Variants in CDKL3 observed in about 807,000 individuals in gnomAD.
The protein encoded by CDKL3 is cyclin-dependent kinase-like 3.
In CDKL3, 65 loss-of-function variants were observed where a neutral mutation model predicts 69.3. The ratio of observed to expected loss-of-function variants is 0.94; its 90% CI spans 0.77 to 1.15. CDKL3 has a LOEUF of 1.15. CDKL3 is among the 50% of genes most tolerant of loss of function. The pLI is 0.00. For missense variants in CDKL3, 652 were observed against 689.2 expected, an observed-to-expected ratio of 0.95 and a Z score of 0.61; for synonymous variants, 202 against 221.6, an observed-to-expected ratio of 0.91 and a Z score of 0.79.
chr5:134,285,611 G>A (rs1034098286), downstream of CDKL3, among the ~76,000 whole-genome samples: 3 of 152,200 alleles, frequency 2.0e-5, no homozygotes, highest in African/African-American at 7.2e-5. Flanking sequence ...ACATGTCCTG[G>A]AGACATTTTC....
intron 3 of CDKL3, among the ~76,000 whole-genome samples, chr5:134,359,372 A>G (rs1354858001): frequency 6.6e-6 from 1 of 152,196 alleles, no homozygotes; most frequent in African/African-American, 2.4e-5. Context: ...AGTCAACACT[A>G]AACATCAGAA....
chr5:134,350,791 G>A (rs1753054532), intron 3 of CDKL3, among the ~76,000 whole-genome samples: 1 of 145,766 alleles, frequency 6.9e-6, no homozygotes, highest in South Asian at 2.2e-4. Flanking sequence ...ACCAGCCTGG[G>A]TAACAGAGTG....
chr5:134,360,115 A>G, intron 2 of CDKL3, 24 bp from the exon 3 acceptor site: 3 of 1,452,788 alleles, frequency 2.1e-6, no homozygotes, highest in Non-Finnish European at 2.8e-6. Context: ...AAACAACACA[A>G]ATTTTTAATT....
chr5:134,360,185 T>C, intron 2 of CDKL3, 94 bp from the exon 3 acceptor site: 1 of 864,112 alleles, frequency 1.2e-6, no homozygotes. Context: ...ACAGTCATAT[T>C]CTTAGCTTTG....
intron 3 of CDKL3, among the ~76,000 whole-genome samples, chr5:134,351,947 A>G (rs1278779056): frequency 2.0e-5 from 3 of 152,142 alleles, no homozygotes; most frequent in African/African-American, 7.2e-5. Flanking sequence ...GAATACAATC[A>G]TTGTTATTAA....
At chr5:134,328,880 A>G (rs1261746085) in intron 4 of CDKL3, among the ~76,000 whole-genome samples, 1 of 152,228 alleles carries the variant, frequency 6.6e-6, no homozygotes, top group Non-Finnish European at 1.5e-5. Context: ...ACCTCTCAAC[A>G]AAAACGCCTA....
chr5:134,306,603 C>T lies in CDKL3; in HGVS notation c.1458+6G>A. 3.2e-6 allele frequency: 5 copies of T among 1,546,488 alleles called. No homozygotes were observed. The highest frequency in any genetic ancestry group is 4.4e-6 in the Non-Finnish European group (5 of 1,124,390). ...CCATATTTTAATGTGTAGCTTCTTGCCTTACTTGAATAGGACCTGGATCCT... is the reference window on the plus strand; with the variant it reads ...CCATATTTTAATGTGTAGCTTCTTGTCTTACTTGAATAGGACCTGGATCCT... On this transcript the variant is annotated splice_donor_region_variant and intron_variant, in intron 10 of 12. Coordinates refer to ENST00000265334, the MANE Select transcript of CDKL3 (RefSeq NM_001113575.2).
At chr5:134,329,248 G>A (rs1775143682) in intron 4 of CDKL3, among the ~76,000 whole-genome samples, 1 of 152,096 alleles carries the variant, frequency 6.6e-6, no homozygotes, top group South Asian at 2.1e-4. Context: ...TGAAGCAGGA[G>A]GATTGATTGA....
chr5:134,333,114 G>T (rs1162346356), intron 4 of CDKL3, among the ~76,000 whole-genome samples: 1 of 151,974 alleles, frequency 6.6e-6, no homozygotes, highest in East Asian at 1.9e-4. Context: ...TTGGTGTATA[G>T]AAATGCTTGT....
At position 134,320,828 on chromosome 5, in the gene CDKL3, C is replaced by T. The variant is rs1473670094; in HGVS notation, c.652+963G>A. On this transcript the variant is annotated intron_variant, in intron 5 of 12. Transcript: ENST00000265334. ...GGCAGAGCTTGCAGTGAGCTGAGAT[C>T]GCGCCCCTGCACTCCAGCCTGGGTG... Among the ~76,000 whole-genome samples the T allele has an allele frequency of 4.0e-5, 6 of 149,696 alleles. No homozygotes were observed. In the Middle Eastern group the frequency reaches 0.01, roughly 255 times the overall value.
intron 4 of CDKL3, among the ~76,000 whole-genome samples, chr5:134,327,418 A>C (rs1774672566): frequency 6.6e-6 from 1 of 152,214 alleles, no homozygotes; most frequent in Non-Finnish European, 1.5e-5. Context: ...AACTGGGCTC[A>C]GAGATTTTGC....
At chr5:134,298,259 C>G (rs1037212811), downstream of CDKL3, 12 of 985,234 alleles carry the variant, frequency 1.2e-5, no homozygotes, top group Non-Finnish European at 1.3e-5. Flanking sequence ...AACAACGGCT[C>G]AAATATTTTA....
In CDKL3 at chr5:134,342,597, C is replaced by T. The variant is rs548917848; in HGVS notation, c.539+7652G>A. ...CCTGGGCGACAGAGCAAGACTCTGT[C>T]TCAAAAAAAAAAAAGAAAAAGAAAA... On this transcript the variant is annotated intron_variant, in intron 4 of 12. Coordinates refer to ENST00000265334, the MANE Select transcript of CDKL3 (RefSeq NM_001113575.2). Among the ~76,000 whole-genome samples the T allele has an allele frequency of 2.3e-3, 344 of 146,818 alleles. 1 individual carries two copies. Among genetic ancestry groups the T allele is most frequent in the Non-Finnish European group, 4.0e-3 (267 of 67,044 alleles).
At chr5:134,371,454 G>C, upstream of CDKL3, 4 of 1,080,106 alleles carry the variant, frequency 3.7e-6, no homozygotes, top group South Asian at 2.9e-5. Context: ...AGACGTCATT[G>C]CAGGGTTGTT....
In CDKL3 at chr5:134,308,205, T is replaced by TG; in HGVS notation, c.1296dup (p.Ile433HisfsTer5). On this transcript the variant is annotated frameshift_variant, in exon 9 of 13. Coordinates refer to ENST00000265334, the MANE Select transcript of CDKL3 (RefSeq NM_001113575.2). LOFTEE classifies it high-confidence loss of function. Reference sequence around the variant, plus strand: ...ATCAAATTACTGTTAGTTAGATTGATGGGTGGCATTGTCACAGAACCTCCG... The same window carrying TG: ...ATCAAATTACTGTTAGTTAGATTGATGGGGTGGCATTGTCACAGAACCTCCG... 6.2e-7 allele frequency: 1 copy of TG among 1,613,954 alleles called. No individual in the cohort carries two copies. The highest frequency in any genetic ancestry group is 8.5e-7 in the Non-Finnish European group (1 of 1,179,850).
At chr5:134,301,555 G>A (rs1766336712) in intron 12 of CDKL3, among the ~76,000 whole-genome samples, 1 of 151,502 alleles carries the variant, frequency 6.6e-6, no homozygotes, top group South Asian at 2.1e-4. Flanking sequence ...ATTTTATCAT[G>A]AGTAAAACTG....
intron 2 of CDKL3, among the ~76,000 whole-genome samples, chr5:134,364,180 A>T (rs567416512): frequency 4.7e-4 from 71 of 152,266 alleles, no homozygotes; most frequent in Middle Eastern, 3.4e-3. Context: ...AAATATTTTT[A>T]AAATCATTAA....
intron 4 of CDKL3, among the ~76,000 whole-genome samples, chr5:134,342,618 GA>G (rs948128002): frequency 1.3e-5 from 2 of 151,002 alleles, no homozygotes; most frequent in African/African-American, 4.9e-5. Context: ...AAAAGAAAAA[GA>G]AAAAGAAAAA....
At chr5:134,287,953 G>T (rs1210496785) in intron 8 of CDKL3, among the ~76,000 whole-genome samples, 5 of 147,094 alleles carry the variant, frequency 3.4e-5, no homozygotes, top group African/African-American at 1.3e-4. Context: ...AGAGTGCAAT[G>T]GTGCAATCTC....
Sources: gnomAD v4.1 joint callset for allele counts (sites outside exome capture counted in the v4.1 genomes callset) on GRCh38, gnomAD v4.1.1 for gene constraint, MANE v1.5 for transcripts, NCBI Gene and HGNC (gene_info 2026-07-23, HGNC 2026-07-21) for gene names.